CSPP1: variants seen among roughly 807,000 people sequenced by gnomAD.
CSPP1 encodes centrosome and spindle pole associated protein 1, also known as centrosome and spindle pole-associated protein 1.
In CSPP1, 126 loss-of-function variants were observed where a neutral mutation model predicts 164.4. That is an observed-to-expected ratio of 0.77 (90% confidence interval 0.66 to 0.89). CSPP1 has a LOEUF of 0.89. Among genes scored for constraint, CSPP1 ranks in the 40% least tolerant of loss-of-function variants. The pLI is 0.00. For synonymous variants in CSPP1, 472 were observed against 476.7 expected (o/e 0.99, Z 0.13); for missense variants, 1,395 against 1,449.8 (o/e 0.96, Z 0.61).
rs751572039 is a variant in CSPP1, at chr8:67,161,896, T to C, written c.2624T>C (p.Ile875Thr). The C allele has an allele frequency of 2.4e-5, 38 of 1,608,764 alleles. No individual in the cohort carries two copies. Among genetic ancestry groups the C allele is most frequent in the Middle Eastern group, 3.3e-4 (2 of 6,078 alleles). ...KLQRPPSVDS[I>T]IRSFIHESSM... ...CAAAGACCTCCTTCAGTTGACAGCA[T>C]CATACGTTCCTTTATTCATGTATGT... Residue 875 changes from isoleucine to threonine, a missense_variant, in exon 22 of 31, where the codon ATC (isoleucine) becomes ACC (threonine). Coordinates refer to ENST00000678616, the MANE Select transcript of CSPP1 (RefSeq NM_001382391.1).
rs753249501 is a variant in CSPP1, at chr8:67,095,713, A to G, written c.904A>G (p.Arg302Gly). The stretch of plus-strand genomic sequence containing the variant: ...AAGTGATTTTGATAGAAGACTTTCG[A>G]GAGTGTATACAAATGACAGGTATTT... ...YESDFDRRLS[R>G]VYTNDRMHRN... is the part of the protein sequence containing the mutation. Residue 302 changes from arginine (R) to glycine (G), a missense_variant, in exon 7 of 31, where the codon AGA (arginine) becomes GGA (glycine). Physicochemically the swap from Arg to Gly is moderately radical, Grantham distance 125 (BLOSUM62 -2). Transcript: ENST00000678616. The G allele has an allele frequency of 5.7e-6, 9 of 1,592,398 alleles. No homozygotes were observed. The highest frequency in any genetic ancestry group is 7.7e-6 in the Non-Finnish European group (9 of 1,166,404).
chr8:67,113,745 A>G, intron 10 of CSPP1, 60 bp from the exon 11 acceptor site: 1 of 856,468 alleles, frequency 1.2e-6, no homozygotes, highest in Non-Finnish European at 1.8e-6. Flanking sequence ...TTCAGTGATG[A>G]TTTATAATTT....
chr8:67,168,306 G>A (rs1829857332), intron 24 of CSPP1, among the ~76,000 whole-genome samples: 2 of 140,728 alleles, frequency 1.4e-5, no homozygotes, highest in East Asian at 5.0e-4. Flanking sequence ...GGAGAGGGAG[G>A]CCGTGGGGGA....
At chr8:67,178,532 C>T (rs1832229188) in intron 27 of CSPP1, among the ~76,000 whole-genome samples, 4 of 152,088 alleles carry the variant, frequency 2.6e-5, no homozygotes, top group Admixed American at 6.5e-5. Flanking sequence ...TTTTTTGAAT[C>T]ATGGTGCTGT....
At chr8:67,144,347 G>T (rs771421875) in intron 17 of CSPP1, among the ~76,000 whole-genome samples, 1 of 152,096 alleles carries the variant, frequency 6.6e-6, no homozygotes, top group African/African-American at 2.4e-5. Flanking sequence ...TTGCATCTAG[G>T]CTCATAAGAT....
intron 9 of CSPP1, among the ~76,000 whole-genome samples, chr8:67,108,238 T>TA (rs993002727): frequency 1.3e-5 from 2 of 151,492 alleles, no homozygotes; most frequent in African/African-American, 4.9e-5. Context: ...CTACAAAAAG[T>TA]AAAAAATAAA....
At chr8:67,110,520 T>G (rs1350944491) in intron 9 of CSPP1, among the ~76,000 whole-genome samples, 1 of 152,184 alleles carries the variant, frequency 6.6e-6, no homozygotes, top group Non-Finnish European at 1.5e-5. Context: ...GGAATTTCAC[T>G]CTGTGAATGC....
At position 67,113,868 on chromosome 8, in the gene CSPP1, G is replaced by T; in HGVS notation, c.1245+6G>T. The T allele has an allele frequency of 1.9e-6, 3 of 1,550,314 alleles. No individual in the cohort carries two copies. The highest frequency in any genetic ancestry group is 2.7e-6 in the Non-Finnish European group (3 of 1,129,710). ...CACAAGACCCTGAGAAATCGGTAAGGGTTTCTGGCATCTTTTAATGTTTAA... is the reference window on the plus strand; with the variant it reads ...CACAAGACCCTGAGAAATCGGTAAGTGTTTCTGGCATCTTTTAATGTTTAA... On this transcript the variant is annotated splice_donor_region_variant and intron_variant, in intron 11 of 30. Transcript: ENST00000678616.
At chr8:67,149,359 T>G (rs1024961085) in intron 17 of CSPP1, among the ~76,000 whole-genome samples, 5 of 152,236 alleles carry the variant, frequency 3.3e-5, no homozygotes, top group African/African-American at 1.2e-4. Context: ...GAGGGAGGAT[T>G]GCCAAGTAAT....
chr8:67,081,600 T>A (rs1367604232), intron 3 of CSPP1, among the ~76,000 whole-genome samples: 1 of 152,268 alleles, frequency 6.6e-6, no homozygotes, highest in East Asian at 1.9e-4. Context: ...ACTAACTTAT[T>A]ATTGTTTAAC....
At chr8:67,146,340 C>G (rs1056577469) in intron 17 of CSPP1, among the ~76,000 whole-genome samples, 1 of 151,882 alleles carries the variant, frequency 6.6e-6, no homozygotes, top group Admixed American at 6.6e-5. Flanking sequence ...CCCAGCTGGT[C>G]TCAAACTCCT....
chr8:67,105,997 A>G (rs749050589), intron 9 of CSPP1, 22 bp downstream of exon 9: 4 of 1,307,994 alleles, frequency 3.1e-6, no homozygotes, highest in Non-Finnish European at 4.4e-6. Context: ...ACTTCCAACT[A>G]GTTGCGCTTG....
In CSPP1 at chr8:67,095,439, A is replaced by G. The variant is rs758534595; in HGVS notation, c.630A>G (p.Arg210=). Residue 210 remains arginine (R), a synonymous_variant, in exon 7 of 31, where the codon AGA becomes AGG. Transcript: ENST00000678616. ...CATATGAAGAACTTCTGAACCAAAG[A>G]CGACTAGAGGAGGACAGATACCGAC... ...SEAYEELLNQ[R]RLEEDRYRQL... is the part of the protein sequence containing the mutation. 1 of 1,613,538 alleles carries G rather than the reference A, an allele frequency of 6.2e-7. No individual in the cohort carries two copies. The highest frequency in any genetic ancestry group is 8.5e-7 in the Non-Finnish European group (1 of 1,179,870).
intron 13 of CSPP1, among the ~76,000 whole-genome samples, chr8:67,117,449 G>A (rs921207770): frequency 1.2e-4 from 18 of 152,142 alleles, no homozygotes; most frequent in African/African-American, 4.3e-4. Context: ...AAAGGAATTT[G>A]CCTTTGCCAT....
intron 4 of CSPP1, among the ~76,000 whole-genome samples, chr8:67,089,831 A>AGTTTTTTTTTT (rs941201188): frequency 6.6e-6 from 1 of 151,146 alleles, no homozygotes; most frequent in Admixed American, 6.6e-5. Context: ...AATAAAAAAA[A>AGTTTTTTTTTT]GTTTTTTTTT....
At chr8:67,162,029 A>C (rs1415435251) in intron 22 of CSPP1, 114 bp downstream of exon 22, 1 of 679,388 alleles carries the variant, frequency 1.5e-6, no homozygotes, top group African/African-American at 1.8e-5. Flanking sequence ...TCAGATCTGA[A>C]ATATAGGTGA....
At chr8:67,169,628 C>T (rs1307967775) in intron 24 of CSPP1, among the ~76,000 whole-genome samples, 1 of 151,996 alleles carries the variant, frequency 6.6e-6, no homozygotes, top group East Asian at 1.9e-4. Flanking sequence ...TTAGTAGAGA[C>T]AGGGTTTCAC....
In CSPP1 at chr8:67,195,443, A is replaced by AAAC; in HGVS notation, c.3532_3534dup (p.Asn1178dup). The AAAC allele has an allele frequency of 6.2e-7, 1 of 1,614,226 alleles. No individual in the cohort carries two copies. Among genetic ancestry groups the AAAC allele is most frequent in the East Asian group, 2.2e-5 (1 of 44,880 alleles). On this transcript the variant is annotated inframe_insertion, in exon 31 of 31. Coordinates refer to ENST00000678616, the MANE Select transcript of CSPP1 (RefSeq NM_001382391.1). ...TGAAACACATAGGGGATGACGGATC[A>AAAC]AACTCTGTAGCAACTGAGCCCTGGC...
intron 19 of CSPP1, among the ~76,000 whole-genome samples, chr8:67,154,498 C>T (rs1009825883): frequency 6.6e-6 from 1 of 152,168 alleles, no homozygotes; most frequent in African/African-American, 2.4e-5. Context: ...TCCTGAGTAG[C>T]TGGGACTACA....
Sources: gnomAD v4.1 joint callset for allele counts (sites outside exome capture counted in the v4.1 genomes callset) on GRCh38, gnomAD v4.1.1 for gene constraint, MANE v1.5 for transcripts, NCBI Gene and HGNC (gene_info 2026-07-23, HGNC 2026-07-21) for gene names.